PTPRM: variants seen among roughly 807,000 people sequenced by gnomAD.
The protein encoded by PTPRM is protein tyrosine phosphatase receptor type M, also known as receptor-type tyrosine-protein phosphatase mu.
PTPRM carries 47 observed loss-of-function variants against 186.7 expected under a neutral mutation model. The ratio of observed to expected loss-of-function variants is 0.25; its 90% CI spans 0.20 to 0.32. PTPRM has a LOEUF of 0.32. Ranked by LOEUF, PTPRM falls within the 10% of genes least tolerant of loss-of-function variation. The pLI, the probability that PTPRM is intolerant of heterozygous loss-of-function variation, is 1.00. For missense variants in PTPRM, 1,494 were observed against 1,865.0 expected, an observed-to-expected ratio of 0.80 and a Z score of 3.66; for synonymous variants, 668 against 674.9, an observed-to-expected ratio of 0.99 and a Z score of 0.16.
At chr18:8,280,786 T>C (rs1461007442) in intron 19 of PTPRM, among the ~76,000 whole-genome samples, 2 of 152,086 alleles carry the variant, frequency 1.3e-5, no homozygotes, top group Non-Finnish European at 2.9e-5. Context: ...ACAATGGCTG[T>C]GCAGTGATTA....
At chr18:8,374,355 G>A (rs1268305750) in intron 24 of PTPRM, among the ~76,000 whole-genome samples, 1 of 152,124 alleles carries the variant, frequency 6.6e-6, no homozygotes, top group East Asian at 1.9e-4. Flanking sequence ...AGGACATGGA[G>A]AAAGATATGC....
intron 1 of PTPRM, among the ~76,000 whole-genome samples, chr18:7,574,957 G>A (rs1318880030): frequency 6.6e-6 from 1 of 152,182 alleles, no homozygotes; most frequent in African/African-American, 2.4e-5. Flanking sequence ...GCGTGAACCC[G>A]GGAGGCGGAG....
intron 19 of PTPRM, among the ~76,000 whole-genome samples, chr18:8,259,414 A>C (rs2147471283): frequency 6.6e-6 from 1 of 152,258 alleles, no homozygotes; most frequent in South Asian, 2.1e-4. Context: ...TTTCTGAGGA[A>C]CCTGAATTTT....
intron 29 of PTPRM, among the ~76,000 whole-genome samples, chr18:8,383,864 T>C (rs4798636): frequency 0.28 from 42,589 of 151,728 alleles, 6,508 homozygotes; most frequent in East Asian, 0.5. Context: ...TTAAGAGTTG[T>C]ATAGCCATCT....
intron 2 of PTPRM, among the ~76,000 whole-genome samples, chr18:7,796,960 T>C (rs765593510): frequency 6.6e-6 from 1 of 152,204 alleles, no homozygotes; most frequent in Non-Finnish European, 1.5e-5. Context: ...ACTTTTCTTA[T>C]ATTTCACATC....
At chr18:7,889,786 G>A (rs2017298682) in intron 3 of PTPRM, among the ~76,000 whole-genome samples, 1 of 152,184 alleles carries the variant, frequency 6.6e-6, no homozygotes, top group South Asian at 2.1e-4. Flanking sequence ...GCAGGTCCCT[G>A]CTTCTACCCA....
intron 11 of PTPRM, among the ~76,000 whole-genome samples, chr18:8,090,781 G>C (rs893232142): frequency 6.6e-6 from 1 of 152,134 alleles, no homozygotes; most frequent in Non-Finnish European, 1.5e-5. Flanking sequence ...TTTTAGTAGA[G>C]ACAGGGTTTC....
intron 7 of PTPRM, among the ~76,000 whole-genome samples, chr18:8,069,390 G>A (rs2089317696): frequency 6.6e-6 from 1 of 152,178 alleles, no homozygotes; most frequent in Non-Finnish European, 1.5e-5. Flanking sequence ...AAGGACCAAA[G>A]ATGGTGAGCC....
intron 3 of PTPRM, among the ~76,000 whole-genome samples, chr18:7,890,519 T>G (rs1328024984): frequency 6.6e-6 from 1 of 152,064 alleles, no homozygotes; most frequent in East Asian, 1.9e-4. Context: ...AATGTGTTGT[T>G]TTTTTTTAAT....
chr18:7,906,372 C>G, intron 3 of PTPRM, 133 bp from the exon 4 acceptor site: 1 of 693,400 alleles, frequency 1.4e-6, no homozygotes, highest in East Asian at 2.7e-5. Flanking sequence ...GGAACATTGA[C>G]TAGCAGATGT....
intron 1 of PTPRM, among the ~76,000 whole-genome samples, chr18:7,744,973 A>G (rs1355581932): frequency 1.3e-5 from 2 of 152,166 alleles, no homozygotes; most frequent in Non-Finnish European, 2.9e-5. Context: ...TGTTATAGAA[A>G]GGATGAAATC....
intron 1 of PTPRM, among the ~76,000 whole-genome samples, chr18:7,694,984 A>G (rs564146465): frequency 2.0e-5 from 3 of 152,300 alleles, no homozygotes; most frequent in Admixed American, 6.5e-5. Context: ...GCGCTTTTCC[A>G]TTTAATCCTG....
At chr18:7,647,839 C>T (rs560434384) in intron 1 of PTPRM, among the ~76,000 whole-genome samples, 6 of 152,296 alleles carry the variant, frequency 3.9e-5, no homozygotes, top group African/African-American at 1.4e-4. Context: ...AAGTTGGGGT[C>T]GGGCCTAATA....
At chr18:8,088,182 C>G (rs1435379421) in intron 10 of PTPRM, among the ~76,000 whole-genome samples, 1 of 152,128 alleles carries the variant, frequency 6.6e-6, no homozygotes, top group Non-Finnish European at 1.5e-5. Context: ...TTTCTTATTT[C>G]AGTTCCTATG....
intron 19 of PTPRM, among the ~76,000 whole-genome samples, chr18:8,283,975 A>G (rs2094929923): frequency 6.6e-6 from 1 of 152,160 alleles, no homozygotes; most frequent in African/African-American, 2.4e-5. Flanking sequence ...TTTTACTAAA[A>G]GAATTTTTTT....
intron 2 of PTPRM, among the ~76,000 whole-genome samples, chr18:7,781,621 A>C (rs1383363033): frequency 6.6e-6 from 1 of 152,088 alleles, no homozygotes; most frequent in Non-Finnish European, 1.5e-5. Context: ...CCCCCCAAGC[A>C]GTCCCCATTG....
intron 3 of PTPRM, among the ~76,000 whole-genome samples, chr18:7,894,119 G>A (rs1323184626): frequency 6.6e-6 from 1 of 152,172 alleles, no homozygotes; most frequent in African/African-American, 2.4e-5. Context: ...CAGCACACGT[G>A]TACCGAGGAG....
intron 1 of PTPRM, among the ~76,000 whole-genome samples, chr18:7,611,766 GCT>G (rs1452933577): frequency 1.3e-5 from 2 of 152,138 alleles, no homozygotes; most frequent in African/African-American, 2.4e-5. Flanking sequence ...CCTTGCACAA[GCT>G]CTCTTTGCCT....
intron 2 of PTPRM, among the ~76,000 whole-genome samples, chr18:7,828,161 A>G (rs982943743): frequency 5.3e-5 from 8 of 152,226 alleles, no homozygotes; most frequent in African/African-American, 1.9e-4. Flanking sequence ...GGATTGTAGA[A>G]TTACAAAGCT....
Sources: gnomAD v4.1 joint callset for allele counts (sites outside exome capture counted in the v4.1 genomes callset) on GRCh38, gnomAD v4.1.1 for gene constraint, MANE v1.5 for transcripts, NCBI Gene and HGNC (gene_info 2026-07-23, HGNC 2026-07-21) for gene names.